The following YTHDC2 variants were observed in gnomAD, a reference collection of about 807,000 sequenced individuals.
YTHDC2 encodes YTH N6-methyladenosine RNA binding protein C2.
In YTHDC2, 45 loss-of-function variants were observed where a neutral mutation model predicts 174.9. That is an observed-to-expected ratio of 0.26 (90% CI 0.20 to 0.33). The LOEUF (loss-of-function observed/expected upper bound fraction) is 0.33. YTHDC2 is among the 10% of genes least tolerant of loss of function. The probability of loss-of-function intolerance (pLI) is 1.00; values close to 1 mark genes in which losing one functional copy is unlikely to be tolerated. For missense variants in YTHDC2, 1,650 were observed against 1,723.7 expected, an observed-to-expected ratio of 0.96 and a Z score of 0.76; for synonymous variants, 657 against 574.5, an observed-to-expected ratio of 1.14 and a Z score of -2.05.
At chr5:113,519,443 G>A (rs1283580093) in intron 2 of YTHDC2, among the ~76,000 whole-genome samples, 2 of 152,026 alleles carry the variant, frequency 1.3e-5, no homozygotes, top group African/African-American at 2.4e-5. Context: ...ATCCCATCTC[G>A]ATTTTTCTCA....
rs1777177779 is a variant in YTHDC2, at chr5:113,564,014, T to C, written c.2598T>C (p.Tyr866=). The change falls in exon 20 of 30, where the codon TAT becomes TAC. Residue 866 remains tyrosine (Y), a synonymous_variant. Transcript: ENST00000161863. ...TTACAATTGCTTGCACACTAGCTTA[T>C]CGAGATCCTTTTGTACTACCTACTC... The part of the protein sequence containing the change: ...PILTIACTLA[Y]RDPFVLPTQA... 1.9e-6 allele frequency: 3 copies of C among 1,614,130 alleles called. No individual in the cohort carries two copies. Among genetic ancestry groups the C allele is most frequent in the Non-Finnish European group, 2.5e-6 (3 of 1,180,016 alleles).
intron 10 of YTHDC2, among the ~76,000 whole-genome samples, chr5:113,546,876 G>T (rs1442643933): frequency 6.6e-6 from 1 of 152,188 alleles, no homozygotes; most frequent in African/African-American, 2.4e-5. Flanking sequence ...GCTGTTGGCA[G>T]AATAGCCATG....
chr5:113,518,980 C>T (rs993400371), intron 2 of YTHDC2, among the ~76,000 whole-genome samples: 1 of 151,962 alleles, frequency 6.6e-6, no homozygotes, highest in South Asian at 2.1e-4. Context: ...CGCCTAGGCT[C>T]AGGCTTTCCT....
chr5:113,536,797 T>A (rs7713038), intron 7 of YTHDC2, among the ~76,000 whole-genome samples: 48,965 of 151,804 alleles, frequency 0.32, 9,594 homozygotes, highest in African/African-American at 0.54. Context: ...ATATTTGTTC[T>A]TCATCTTCAC....
At chr5:113,567,888 A>T (rs766647749) in intron 23 of YTHDC2, 39 bp downstream of exon 23, 18 of 1,152,272 alleles carry the variant, frequency 1.6e-5, no homozygotes, top group Admixed American at 9.3e-5. Flanking sequence ...TTTGAAATGA[A>T]TTTTTTTTTT....
intron 12 of YTHDC2, among the ~76,000 whole-genome samples, chr5:113,550,608 G>T (rs1240777376): frequency 1.3e-5 from 2 of 152,082 alleles, no homozygotes; most frequent in Non-Finnish European, 2.9e-5. Flanking sequence ...TAATGACTAC[G>T]TTGTTAAAAC....
chr5:113,525,197 C>T lies in YTHDC2; in HGVS notation c.475+20C>T. The T allele has an allele frequency of 6.5e-7, 1 of 1,540,688 alleles. No homozygotes were observed. Among genetic ancestry groups the T allele is most frequent in the Middle Eastern group, 1.7e-4 (1 of 5,800 alleles). On this transcript the variant is annotated intron_variant, in intron 3 of 29. Transcript: ENST00000161863. ...AAGCTGGTATGTATTTTCTGGGGAG[C>T]TTCCTCATTTACCCTATTATTTGAT...
intron 4 of YTHDC2, among the ~76,000 whole-genome samples, chr5:113,530,607 C>G (rs1774589269): frequency 6.6e-6 from 1 of 151,904 alleles, no homozygotes; most frequent in Non-Finnish European, 1.5e-5. Context: ...TTATATGTAA[C>G]CATACATAAA....
intron 23 of YTHDC2, among the ~76,000 whole-genome samples, chr5:113,568,287 C>A (rs1175318247): frequency 6.6e-6 from 1 of 152,066 alleles, no homozygotes; most frequent in Non-Finnish European, 1.5e-5. Context: ...ACAGAGATAT[C>A]AAAAATATTT....
chr5:113,592,660 G>A (rs1779070514), intron 28 of YTHDC2: 1 of 152,568 alleles, frequency 6.6e-6, no homozygotes, highest in Non-Finnish European at 1.5e-5. Context: ...AGGTCACACA[G>A]CTAATAATTT....
rs72794117 is a variant in YTHDC2 at position 113,522,877 on chromosome 5, C to T, written c.279-2104C>T. 5.2e-3 allele frequency among the ~76,000 whole-genome samples: 790 copies of T among 152,196 alleles called. 3 individuals are homozygous for T. The highest frequency in any genetic ancestry group is 0.024 in the Middle Eastern group (7 of 294). ...TCCTTTACTAAAACATAAAAATGAT[C>T]AAGTTGATATTATCTTTCCATTCTA... is the stretch of plus-strand genomic sequence containing the variant. On this transcript the variant is annotated intron_variant, in intron 2 of 29. Coordinates refer to ENST00000161863, the MANE Select transcript of YTHDC2 (RefSeq NM_022828.5).
chr5:113,577,731 C>G (rs1034027278), intron 23 of YTHDC2, among the ~76,000 whole-genome samples: 1 of 151,990 alleles, frequency 6.6e-6, no homozygotes, highest in African/African-American at 2.4e-5. Flanking sequence ...ATTAGCCATA[C>G]CTTATTTTAA....
Position 113,567,183 on chromosome 5 carries a change from C to T in YTHDC2, c.2934C>T (p.Gly978=). The stretch of plus-strand genomic sequence containing the variant: ...TCGTTAAAGCTGCATTGGTGGCAGG[C>T]ATGTATCCTAATTTAGTCCACGTGG... The part of the protein sequence containing the change: ...WAVVKAALVA[G]MYPNLVHVDR... Residue 978 remains glycine, a synonymous_variant, in exon 22 of 30, where the codon GGC becomes GGT. Transcript: ENST00000161863. 6.2e-7 allele frequency: 1 copy of T among 1,613,734 alleles called. No individual in the cohort carries two copies. Among genetic ancestry groups the T allele is most frequent in the Non-Finnish European group, 8.5e-7 (1 of 1,179,918 alleles).
intron 9 of YTHDC2, among the ~76,000 whole-genome samples, chr5:113,541,514 A>G (rs1037297353): frequency 1.3e-5 from 2 of 152,090 alleles, no homozygotes; most frequent in African/African-American, 4.8e-5. Context: ...TTTTTACTGC[A>G]TAATTGAATG....
intron 23 of YTHDC2, among the ~76,000 whole-genome samples, chr5:113,572,396 A>G (rs1777783078): frequency 6.6e-6 from 1 of 152,220 alleles, no homozygotes; most frequent in South Asian, 2.1e-4. Context: ...TATGTGATCA[A>G]TTTTAGAATA....
Position 113,594,035 on chromosome 5 carries a change from CT to C in YTHDC2, c.*563del, listed in dbSNP as rs1779140745. The C allele has an allele frequency of 1.3e-5, 2 of 152,244 alleles. No homozygotes were observed. The highest frequency in any genetic ancestry group is 3.9e-4 in the East Asian group (2 of 5,194). The allele number at this position is 152,244 out of a possible 1,614,324, so 9.4% of individuals were successfully genotyped here. On this transcript the variant is annotated 3_prime_UTR_variant, in exon 30 of 30. Coordinates refer to ENST00000161863, the MANE Select transcript of YTHDC2 (RefSeq NM_022828.5). Reference sequence around the variant, plus strand: ...GGGCTATTCATTCTGCCATTTTTAACTTGAGACACATTTAAGAATAAAGTTG... The same window carrying C: ...GGGCTATTCATTCTGCCATTTTTAACTGAGACACATTTAAGAATAAAGTTG...
chr5:113,589,408 A>ATATATATAT (rs1554103528), intron 26 of YTHDC2, among the ~76,000 whole-genome samples: 16 of 123,260 alleles, frequency 1.3e-4, no homozygotes, highest in Non-Finnish European at 2.1e-4. Context: ...AAAAAAAAAA[A>ATATATATAT]ATATATATAT....
At chr5:113,527,320 AATATG>A (rs1377977333) in intron 4 of YTHDC2, among the ~76,000 whole-genome samples, 1 of 152,224 alleles carries the variant, frequency 6.6e-6, no homozygotes. Flanking sequence ...GAATGGAATT[AATATG>A]ATAGGTTTGA....
intron 7 of YTHDC2, among the ~76,000 whole-genome samples, chr5:113,536,265 C>T (rs1427464879): frequency 1.3e-5 from 2 of 152,226 alleles, no homozygotes; most frequent in South Asian, 2.1e-4. Flanking sequence ...GGGGCTCACG[C>T]CTGTAATCCC....
Sources: gnomAD v4.1 joint callset for allele counts (sites outside exome capture counted in the v4.1 genomes callset) on GRCh38, gnomAD v4.1.1 for gene constraint, MANE v1.5 for transcripts, NCBI Gene and HGNC (gene_info 2026-07-23, HGNC 2026-07-21) for gene names.